The following FAM135B variants were observed in gnomAD, a reference collection of about 807,000 sequenced individuals.
FAM135B encodes the protein family with sequence similarity 135 member B, also known as protein FAM135B.
Under a neutral mutation model 127.7 loss-of-function variants are expected in FAM135B, and 43 were observed. The observed-to-expected ratio is 0.34, with a 90% confidence interval of 0.26 to 0.43. The LOEUF is 0.43. Among genes scored for constraint, FAM135B ranks in the 20% least tolerant of loss-of-function variants. The probability of loss-of-function intolerance (pLI) is 1.00; values close to 1 mark genes in which losing one functional copy is unlikely to be tolerated. For missense variants in FAM135B, 1,558 were observed against 1,725.6 expected, an observed-to-expected ratio of 0.90 and a Z score of 1.72; for synonymous variants, 670 against 665.1, an observed-to-expected ratio of 1.01 and a Z score of -0.11.
chr8:138,356,920 T>C (rs1830126834), intron 2 of FAM135B, among the ~76,000 whole-genome samples: 1 of 152,180 alleles, frequency 6.6e-6, no homozygotes, highest in Non-Finnish European at 1.5e-5. Flanking sequence ...TTGTGAAATG[T>C]CTTTTGCAGA....
intron 1 of FAM135B, among the ~76,000 whole-genome samples, chr8:138,423,819 A>G (rs1287810633): frequency 1.3e-5 from 2 of 152,072 alleles, no homozygotes; most frequent in East Asian, 1.9e-4. Flanking sequence ...GGCTTATTTC[A>G]TCCCTACAGC....
intron 1 of FAM135B, among the ~76,000 whole-genome samples, chr8:138,457,907 G>T (rs1486462870): frequency 1.3e-5 from 2 of 150,788 alleles, no homozygotes; most frequent in African/African-American, 4.9e-5. Context: ...ATCCTAGGAG[G>T]CAAAGCTTGC....
chr8:138,286,916 A>G (rs950773915), intron 3 of FAM135B, among the ~76,000 whole-genome samples: 1 of 152,214 alleles, frequency 6.6e-6, no homozygotes, highest in Admixed American at 6.5e-5. Context: ...CAGGCCCACC[A>G]GTTTACTTCC....
intron 6 of FAM135B, among the ~76,000 whole-genome samples, chr8:138,248,956 G>C (rs1378842133): frequency 1.3e-5 from 2 of 152,138 alleles, no homozygotes; most frequent in Non-Finnish European, 2.9e-5. Context: ...GTAAGTGGTA[G>C]GGCTAGATGA....
At chr8:138,450,779 T>C (rs1468796703) in intron 1 of FAM135B, 1 of 152,174 alleles carries the variant, frequency 6.6e-6, no homozygotes, top group East Asian at 1.9e-4. Flanking sequence ...CATTAGCATT[T>C]GACTCAGGCT....
chr8:138,332,566 A>G (rs948669307), intron 2 of FAM135B, among the ~76,000 whole-genome samples: 2 of 151,458 alleles, frequency 1.3e-5, no homozygotes, highest in Non-Finnish European at 2.9e-5. Flanking sequence ...CTTCCTCACT[A>G]CCCCTCCATC....
At chr8:138,402,235 G>T (rs1461547990) in intron 1 of FAM135B, among the ~76,000 whole-genome samples, 2 of 151,934 alleles carry the variant, frequency 1.3e-5, no homozygotes, top group African/African-American at 4.8e-5. Flanking sequence ...CCTTCCCTTG[G>T]GCGTGAAACA....
chr8:138,315,806 G>A (rs918091636), intron 2 of FAM135B, among the ~76,000 whole-genome samples: 1 of 151,902 alleles, frequency 6.6e-6, no homozygotes, highest in African/African-American at 2.4e-5. Context: ...TTTTAAAAAA[G>A]GAAGTCAAAC....
intron 1 of FAM135B, among the ~76,000 whole-genome samples, chr8:138,418,184 A>C (rs111462572): frequency 5.9e-5 from 9 of 152,326 alleles, no homozygotes; most frequent in African/African-American, 2.2e-4. Flanking sequence ...AGAATATACA[A>C]AGATGATGAA....
At chr8:138,494,849 A>AAAAAAAAAAAAAC (rs373037651) in intron 1 of FAM135B, among the ~76,000 whole-genome samples, 10 of 150,000 alleles carry the variant, frequency 6.7e-5, no homozygotes, top group African/African-American at 2.5e-4. Context: ...AAAAAAAAAA[A>AAAAAAAAAAAAAC]AAACTTAATC....
intron 1 of FAM135B, among the ~76,000 whole-genome samples, chr8:138,412,431 C>T (rs1053324476): frequency 3.9e-5 from 6 of 152,172 alleles, no homozygotes; most frequent in Admixed American, 1.3e-4. Flanking sequence ...TGTTACACAG[C>T]AGAGAAGACT....
chr8:138,323,783 TCTCA>T (rs1310478581), intron 2 of FAM135B, among the ~76,000 whole-genome samples: 2 of 152,260 alleles, frequency 1.3e-5, no homozygotes, highest in African/African-American at 4.8e-5. Flanking sequence ...GTCTGACTTC[TCTCA>T]CTGCCTTTTT....
intron 4 of FAM135B, among the ~76,000 whole-genome samples, chr8:138,260,960 C>T (rs1055625099): frequency 7.9e-5 from 12 of 152,082 alleles, no homozygotes; most frequent in Middle Eastern, 3.2e-3. Flanking sequence ...TGTGTCCCTG[C>T]CAGTTTCTAG....
Position 138,197,657 on chromosome 8 carries a change from T to C in FAM135B, c.682A>G (p.Ile228Val). ...KPTSSEGSFYITSENCMQHAH... is the reference protein window; with the variant it reads ...KPTSSEGSFYVTSENCMQHAH... ...TGCTGCATGCAGTTCTCAGAGGTGA[T>C]GTAGAAGCTTCCCTAAGGGGTGAAA... The change falls in exon 8 of 20, where the codon ATC (isoleucine) becomes GTC (valine). Residue 228 changes from isoleucine (I) to valine (V), a missense_variant. Physicochemically the swap from Ile to Val is conservative, Grantham distance 29. Coordinates refer to ENST00000395297, the MANE Select transcript of FAM135B (RefSeq NM_015912.4). 3.7e-6 allele frequency: 6 copies of C among 1,613,826 alleles called. No homozygotes were observed. Among genetic ancestry groups the C allele is most frequent in the Non-Finnish European group, 5.1e-6 (6 of 1,179,800 alleles).
intron 12 of FAM135B, among the ~76,000 whole-genome samples, chr8:138,160,234 A>G (rs1051106446): frequency 6.6e-6 from 1 of 152,050 alleles, no homozygotes; most frequent in South Asian, 2.1e-4. Flanking sequence ...TAAAAATGCG[A>G]TCAAATTTAT....
chr8:138,352,497 T>C (rs182517261), intron 2 of FAM135B, among the ~76,000 whole-genome samples: 46 of 152,302 alleles, frequency 3.0e-4, no homozygotes, highest in African/African-American at 1.1e-3. Flanking sequence ...TAAACAAAAC[T>C]TGGCTGATGG....
intron 2 of FAM135B, among the ~76,000 whole-genome samples, chr8:138,336,719 T>A (rs972281478): frequency 6.6e-6 from 1 of 152,106 alleles, no homozygotes; most frequent in Non-Finnish European, 1.5e-5. Flanking sequence ...ATTATTACAA[T>A]TAATAGAAAA....
intron 1 of FAM135B, among the ~76,000 whole-genome samples, chr8:138,487,489 T>C (rs1370452011): frequency 6.6e-6 from 1 of 152,110 alleles, no homozygotes; most frequent in African/African-American, 2.4e-5. Context: ...TGGGGTGCTG[T>C]ACTTACATCT....
chr8:138,496,600 C>G (rs575862674), intron 1 of FAM135B, 71 bp downstream of exon 1: 1 of 152,316 alleles, frequency 6.6e-6, no homozygotes, highest in African/African-American at 2.4e-5. Flanking sequence ...CTGGCAACCA[C>G]GCTTGCAGAA....
Sources: gnomAD v4.1 joint callset for allele counts (sites outside exome capture counted in the v4.1 genomes callset) on GRCh38, gnomAD v4.1.1 for gene constraint, MANE v1.5 for transcripts, NCBI Gene and HGNC (gene_info 2026-07-23, HGNC 2026-07-21) for gene names.